The following SLMAP variants were observed in gnomAD, a reference collection of about 807,000 sequenced individuals.
SLMAP encodes the protein sarcolemma associated protein.
Under a neutral mutation model 128.8 loss-of-function variants are expected in SLMAP, and 44 were observed. The ratio of observed to expected loss-of-function variants is 0.34; its 90% CI spans 0.27 to 0.44. SLMAP has a LOEUF of 0.44. SLMAP is among the 20% of genes least tolerant of loss of function. The pLI, the probability that SLMAP is intolerant of heterozygous loss-of-function variation, is 1.00. For missense variants in SLMAP, 787 were observed against 985.3 expected, an observed-to-expected ratio of 0.80 and a Z score of 2.69; for synonymous variants, 327 against 348.8, an observed-to-expected ratio of 0.94 and a Z score of 0.70.
rs921781516 is a variant in SLMAP at position 57,757,753 on chromosome 3, G to A, written c.102G>A (p.Val34=). Residue 34 remains valine, a synonymous_variant, in exon 2 of 25, where the codon GTG becomes GTA. Transcript: ENST00000671191. Reference sequence around the variant, plus strand: ...AGCCCATCAAAATCGGCCGCTCAGTGGCCCGCTGTCGACCAGCGCAGAATA... The same window carrying A: ...AGCCCATCAAAATCGGCCGCTCAGTAGCCCGCTGTCGACCAGCGCAGAATA... ...LDEPIKIGRS[V]ARCRPAQNNA... 6.2e-7 allele frequency: 1 copy of A among 1,614,182 alleles called. No individual in the cohort carries two copies. The highest frequency in any genetic ancestry group is 8.5e-7 in the Non-Finnish European group (1 of 1,180,040).
rs924128331 is a variant in SLMAP at position 57,842,401 on chromosome 3, G to A, written c.419+1030G>A. Among the ~76,000 whole-genome samples, 4 of 151,466 alleles carry A rather than the reference G, an allele frequency of 2.6e-5. No homozygotes were observed. In the South Asian group the frequency reaches 6.2e-4, roughly 24 times the overall value. ...TATCGTAAATTTAAAACATTAATGTGTTTTCTATTTGCGATTACAGCTTAA... is the reference window on the plus strand; with the variant it reads ...TATCGTAAATTTAAAACATTAATGTATTTTCTATTTGCGATTACAGCTTAA... On this transcript the variant is annotated intron_variant, in intron 4 of 24. Coordinates refer to ENST00000671191, the MANE Select transcript of SLMAP (RefSeq NM_001377540.1).
chr3:57,879,676 C>T (rs1181632268), intron 14 of SLMAP, among the ~76,000 whole-genome samples: 4 of 152,154 alleles, frequency 2.6e-5, no homozygotes, highest in Admixed American at 2.6e-4. Context: ...GGCGCAGTGG[C>T]TCATGCCTGT....
intron 3 of SLMAP, among the ~76,000 whole-genome samples, chr3:57,836,284 A>G (rs907357944): frequency 9.2e-5 from 14 of 152,252 alleles, no homozygotes; most frequent in African/African-American, 3.4e-4. Context: ...TAGAACTACA[A>G]TTAAAAAATC....
chr3:57,875,033 A>G (rs538920953), intron 14 of SLMAP, among the ~76,000 whole-genome samples: 171 of 152,330 alleles, frequency 1.1e-3, no homozygotes, highest in Middle Eastern at 3.4e-3. Context: ...AAAATGGACC[A>G]AATAAACATG....
At chr3:57,898,258 C>T (rs1055953102) in intron 17 of SLMAP, 1 of 152,150 alleles carries the variant, frequency 6.6e-6, no homozygotes, top group African/African-American at 2.4e-5. Flanking sequence ...CCAGAACTCT[C>T]ATCTCAGAAA....
intron 6 of SLMAP, among the ~76,000 whole-genome samples, chr3:57,854,157 T>G (rs545486971): frequency 1.3e-5 from 2 of 150,158 alleles, no homozygotes; most frequent in East Asian, 3.9e-4. Flanking sequence ...TCTCCCATTA[T>G]AAGTCCCTTA....
chr3:57,908,027 G>A, intron 18 of SLMAP, 21 bp downstream of exon 18: 1 of 1,611,934 alleles, frequency 6.2e-7, no homozygotes. Context: ...GATTACTTTG[G>A]TTCTTTAGGG....
At chr3:57,779,501 C>A in intron 2 of SLMAP, among the ~76,000 whole-genome samples, 1 of 144,192 alleles carries the variant, frequency 6.9e-6, no homozygotes, top group African/African-American at 2.5e-5. Flanking sequence ...AGAGTGAGAC[C>A]CTGTTTCAAA....
At chr3:57,874,808 G>A (rs188137560) in intron 14 of SLMAP, among the ~76,000 whole-genome samples, 27 of 150,906 alleles carry the variant, frequency 1.8e-4, no homozygotes, top group Non-Finnish European at 3.2e-4. Context: ...GCAGTGAGCC[G>A]AGATTGTGCC....
At chr3:57,847,143 CTG>C in intron 4 of SLMAP, 52 bp from the exon 5 acceptor site, 1 of 1,168,236 alleles carries the variant, frequency 8.6e-7, no homozygotes, top group Non-Finnish European at 1.3e-6. Flanking sequence ...CTCTCATACT[CTG>C]TTTCCTCTAT....
chr3:57,887,005 T>C (rs906639908), intron 14 of SLMAP, among the ~76,000 whole-genome samples: 2 of 152,074 alleles, frequency 1.3e-5, no homozygotes, highest in African/African-American at 2.4e-5. Context: ...AGGCACAACA[T>C]AGTGAATATA....
intron 2 of SLMAP, among the ~76,000 whole-genome samples, chr3:57,778,096 C>T (rs1221601672): frequency 6.6e-6 from 1 of 152,086 alleles, no homozygotes; most frequent in Admixed American, 6.6e-5. Context: ...GAGAATTTAC[C>T]AAAGGAAGCC....
intron 21 of SLMAP, among the ~76,000 whole-genome samples, chr3:57,913,817 G>T (rs1456132531): frequency 6.6e-6 from 1 of 151,978 alleles, no homozygotes; most frequent in Admixed American, 6.6e-5. Flanking sequence ...AATTTACCGG[G>T]CATAGTGATG....
At chr3:57,761,978 C>T (rs1294389594) in intron 2 of SLMAP, among the ~76,000 whole-genome samples, 11 of 144,250 alleles carry the variant, frequency 7.6e-5, no homozygotes, top group South Asian at 2.2e-4. Flanking sequence ...ACCCGGGAAG[C>T]GGAGCTTGCA....
At position 57,847,251 on chromosome 3, in the gene SLMAP, AT is replaced by A; in HGVS notation, c.456+24del. The A allele has an allele frequency of 1.3e-6, 2 of 1,597,222 alleles. No individual in the cohort carries two copies. The highest frequency in any genetic ancestry group is 8.6e-7 in the Non-Finnish European group (1 of 1,166,248). On this transcript the variant is annotated intron_variant, in intron 5 of 24. Coordinates refer to ENST00000671191, the MANE Select transcript of SLMAP (RefSeq NM_001377540.1). ...TTGACAAAGTAAGTTGCTAATGATT[AT>A]TTTTTCCAAACTGACTCAGCTATGT... is the stretch of plus-strand genomic sequence containing the variant.
At chr3:57,862,772 A>G (rs1290810608) in intron 10 of SLMAP, among the ~76,000 whole-genome samples, 1 of 152,206 alleles carries the variant, frequency 6.6e-6, no homozygotes, top group East Asian at 1.9e-4. Context: ...GTGGTACTAC[A>G]TATTAAATAA....
intron 22 of SLMAP, chr3:57,918,032 T>C (rs988363479): frequency 6.6e-6 from 1 of 152,264 alleles, no homozygotes; most frequent in South Asian, 2.1e-4. Flanking sequence ...TGGCAATGAT[T>C]GTTCTTCTGT....
chr3:57,917,149 T>C lies in SLMAP; in HGVS notation c.2310+72T>C, dbSNP rs778698473. The C allele has an allele frequency of 3.8e-6, 6 of 1,599,226 alleles. No homozygotes were observed. In the Admixed American group the frequency reaches 1.0e-4, roughly 27 times the overall value. ...CCAAAAGCAAATCGGATATCCATGC[T>C]AGTTAGAAATAAAGGGAAGCAGAAG... On this transcript the variant is annotated intron_variant, in intron 22 of 24. Transcript: ENST00000671191.
chr3:57,760,545 A>G (rs1221461789), intron 2 of SLMAP, among the ~76,000 whole-genome samples: 1 of 152,150 alleles, frequency 6.6e-6, no homozygotes, highest in Admixed American at 6.6e-5. Context: ...ATACAGTTCC[A>G]AAGAAAACCC....
Sources: allele counts gnomAD v4.1 joint callset (sites outside exome capture counted in the v4.1 genomes callset), GRCh38; gene constraint gnomAD v4.1.1; transcripts MANE v1.5; gene names NCBI Gene and HGNC (gene_info 2026-07-23, HGNC 2026-07-21).